The following TTN variants were observed in gnomAD, a reference collection of about 807,000 sequenced individuals.
The protein encoded by TTN is titin.
Under a neutral mutation model 3,223.0 loss-of-function variants are expected in TTN, and 1,525 were observed. The observed-to-expected ratio is 0.47, with a 90% CI of 0.45 to 0.49. TTN has a LOEUF of 0.49. TTN is among the 20% of genes least tolerant of loss of function. The pLI, the probability that TTN is intolerant of heterozygous loss-of-function variation, is 0.00. For missense variants in TTN, 40,786 were observed against 43,424.0 expected (o/e 0.94, Z 5.40); for synonymous variants, 14,094 against 15,161.0 (o/e 0.93, Z 5.17).
chr2:178,786,152 G>C lies in TTN; in HGVS notation c.2077-11C>G. 1 of 1,613,272 alleles carries C rather than the reference G, an allele frequency of 6.2e-7. No individual in the cohort carries two copies. Among genetic ancestry groups the C allele is most frequent in the South Asian group, 1.1e-5 (1 of 90,972 alleles). ...TTTTCCAACGTCCACCTGGAGACAA[G>C]GTTTCCAGAATTAATACATAGGAAT... is the stretch of plus-strand genomic sequence containing the variant. On this transcript the variant is annotated splice_polypyrimidine_tract_variant and intron_variant, in intron 13 of 362. Transcript: ENST00000589042.
At position 178,553,691 on chromosome 2, in the gene TTN, C is replaced by G. The variant is rs200503016; in HGVS notation, c.89314G>C (p.Glu29772Gln). Reference protein sequence around the residue: ...GGSAVTGYVVEIRQGEEEEWT... With the variant: ...GGSAVTGYVVQIRQGEEEEWT... ...TCCTCTTCCTCTCCTTGTCTTATCT[C>G]GACAACATACCCAGTAACAGCACTG... is the stretch of plus-strand genomic sequence containing the variant. Residue 29772 changes from glutamate (E) to glutamine (Q), a missense_variant, in exon 334 of 363, where the codon GAG becomes CAG. Coordinates refer to ENST00000589042, the MANE Select transcript of TTN (RefSeq NM_001267550.2). 1 of 1,613,696 alleles carries G rather than the reference C, an allele frequency of 6.2e-7. No homozygotes were observed. The highest frequency in any genetic ancestry group is 1.3e-5 in the African/African-American group (1 of 74,916).
chr2:178,625,265 G>A lies in TTN; in HGVS notation c.44548+8C>T. On this transcript the variant is annotated splice_region_variant and intron_variant, in intron 241 of 362. Coordinates refer to ENST00000589042, the MANE Select transcript of TTN (RefSeq NM_001267550.2). ...TATACATGTTTTTAAAATAAGCCTT[G>A]TAATTACCTTTCACAAAGAGGTTGG... 1 of 1,604,028 alleles carries A rather than the reference G, an allele frequency of 6.2e-7. No homozygotes were observed. The highest frequency in any genetic ancestry group is 8.5e-7 in the Non-Finnish European group (1 of 1,175,658).
rs113069473 is a variant in TTN at position 178,765,115 on chromosome 2, G to A, written c.9704-304C>T. 3.0e-4 allele frequency among the ~76,000 whole-genome samples: 46 copies of A among 152,290 alleles called. 1 individual carries two copies. The highest frequency in any genetic ancestry group is 1.1e-3 in the African/African-American group (44 of 41,558). The stretch of plus-strand genomic sequence containing the variant: ...TTTCTGTTTGTGGTGGGGGCTTAGC[G>A]ATGGACACCTGAATGAATTATACAA... On this transcript the variant is annotated intron_variant, in intron 41 of 362. Coordinates refer to ENST00000589042, the MANE Select transcript of TTN (RefSeq NM_001267550.2).
chr2:178,681,395 G>C lies in TTN; in HGVS notation c.33228C>G (p.Leu11076=). 1.2e-6 allele frequency: 2 copies of C among 1,612,336 alleles called. No individual in the cohort carries two copies. Among genetic ancestry groups the C allele is most frequent in the South Asian group, 1.1e-5 (1 of 90,910 alleles). ...EKVPVPIPKK[L]KPPPPKVPEE... ...ATGTACCTTTGGGTGGTGGAGGTTT[G>C]AGTTTCTTAGGAATGGGCACTGGTA... Residue 11076 remains leucine, a synonymous_variant, in exon 137 of 363, where the codon CTC becomes CTG. Coordinates refer to ENST00000589042, the MANE Select transcript of TTN (RefSeq NM_001267550.2).
chr2:178,744,331 A>ATT, intron 47 of TTN: 1 of 960,572 alleles, frequency 1.0e-6, no homozygotes, highest in Non-Finnish European at 1.2e-6. Context: ...AATAATTACT[A>ATT]TTAGCTTAAC....
chr2:178,748,586 AT>A lies in TTN; in HGVS notation c.11311+4537del. 4 of 1,613,064 alleles carry A rather than the reference AT, an allele frequency of 2.5e-6. No homozygotes were observed. The Middle Eastern group carries it at 6.6e-4, about 266-fold the overall frequency. ...GTTCTCAGTGTCAGCAGGATGTTGG[AT>A]TTTAAAATAAGCTTCTTCTGGTTGA... On this transcript the variant is annotated intron_variant, in intron 47 of 362. Coordinates refer to ENST00000589042, the MANE Select transcript of TTN (RefSeq NM_001267550.2).
Position 178,747,187 on chromosome 2 carries a change from C to T in TTN, c.11312-5266G>A, listed in dbSNP as rs1174562485. 1.2e-6 allele frequency: 2 copies of T among 1,608,740 alleles called. No homozygotes were observed. The highest frequency in any genetic ancestry group is 1.7e-5 in the Admixed American group (1 of 59,542). On this transcript the variant is annotated intron_variant, in intron 47 of 362. Coordinates refer to ENST00000589042, the MANE Select transcript of TTN (RefSeq NM_001267550.2). ...TCTCTCCTGGGGGTGTGGAGTATCT[C>T]TCTAGAGTCTCTCCTGGAGGTGTGG...
Position 178,557,892 on chromosome 2 carries a change from A to G in TTN, c.87462T>C (p.Ser29154=). 6.2e-7 allele frequency: 1 copy of G among 1,613,704 alleles called. No homozygotes were observed. Among genetic ancestry groups the G allele is most frequent in the Non-Finnish European group, 8.5e-7 (1 of 1,179,846 alleles). The change falls in exon 328 of 363, where the codon AGT becomes AGC. Residue 29154 remains serine (S), a synonymous_variant. Transcript: ENST00000589042. ...PVVISDITEE[S]VTLKWEPPKY... The stretch of plus-strand genomic sequence containing the variant: ...TAGGTGGCTCCCATTTGAGAGTCAC[A>G]CTTTCTTCAGTTATATCACTAATAA...
chr2:178,592,218 G>T lies in TTN; in HGVS notation c.59686C>A (p.Leu19896Ile), dbSNP rs763331392. The change falls in exon 302 of 363, where the codon CTT becomes ATT. Residue 19896 changes from leucine (L) to isoleucine (I), a missense_variant. Coordinates refer to ENST00000589042, the MANE Select transcript of TTN (RefSeq NM_001267550.2). ...VSEIRKDSCY[L>I]TWKEPLDDGG... ...TCATCCAGTGGTTCTTTCCAAGTAA[G>T]GTAACATGAATCTTTCCTAATTTCA... is the stretch of plus-strand genomic sequence containing the variant. The T allele has an allele frequency of 3.1e-6, 5 of 1,611,716 alleles. No individual in the cohort carries two copies. In the East Asian group the frequency reaches 9.0e-5, roughly 29 times the overall value.
At chr2:178,604,365 A>G (rs1432800250) in intron 281 of TTN, 60 bp from the exon 282 acceptor site, 1 of 1,308,742 alleles carries the variant, frequency 7.6e-7, no homozygotes, top group Admixed American at 3.1e-5. Context: ...GTTTTCACTC[A>G]TTTAAAAATT....
rs571602215 is a variant in TTN, at chr2:178,741,422, A to G, written c.11811T>C (p.Pro3937=). 6.6e-5 allele frequency: 107 copies of G among 1,613,904 alleles called. No homozygotes were observed. The Admixed American group carries it at 1.7e-3, about 26-fold the overall frequency. The stretch of plus-strand genomic sequence containing the variant: ...GTTTTAACTCCTTAAGGAAGTGAGG[A>G]GGACAAGGACCTCCCAGCTTTTCCA... The part of the protein sequence containing the change: ...KSLEKLGGPC[P]PHFLKELKPI... Residue 3937 remains proline (P), a synonymous_variant, in exon 48 of 363, where the codon CCT becomes CCC. Coordinates refer to ENST00000589042, the MANE Select transcript of TTN (RefSeq NM_001267550.2).
chr2:178,774,263 C>T lies in TTN; in HGVS notation c.7001G>A (p.Gly2334Glu). The change falls in exon 30 of 363, where the codon GGA becomes GAA. Residue 2334 changes from glycine (G) to glutamate (E), a missense_variant. Gly to Glu is a moderately conservative substitution (Grantham distance 98). Coordinates refer to ENST00000589042, the MANE Select transcript of TTN (RefSeq NM_001267550.2). The part of the protein sequence containing the change: ...TVKDVTKEDQ[G>E]EYSFVIDGKK... ...CCCGTCGATGACAAAGCTGTATTCT[C>T]CCTGGTCCTCCTTGGTTACATCCTT... 1.2e-6 allele frequency: 2 copies of T among 1,614,078 alleles called. No homozygotes were observed. The highest frequency in any genetic ancestry group is 1.7e-6 in the Non-Finnish European group (2 of 1,179,980).
rs770584664 is a variant in TTN, at chr2:178,554,619, TG to T, written c.88727del (p.Thr29576LysfsTer36). On this transcript the variant is annotated frameshift_variant, in exon 332 of 363. Transcript: ENST00000589042. LOFTEE classifies it high-confidence loss of function. The stretch of plus-strand genomic sequence containing the variant: ...ACACCATAGACCACACAACGCGGCT[TG>T]TCTCACGCTTTTCCACAATGTAGTG... The part of the protein sequence containing the change: ...ITHYIVEKRE[T>X]SRVVWSMVSE... 1 of 1,613,904 alleles carries T rather than the reference TG, an allele frequency of 6.2e-7. No homozygotes were observed. The highest frequency in any genetic ancestry group is 8.5e-7 in the Non-Finnish European group (1 of 1,179,848).
chr2:178,621,393 T>C, intron 245 of TTN, 25 bp from the exon 246 acceptor site: 1 of 1,606,814 alleles, frequency 6.2e-7, no homozygotes, highest in Non-Finnish European at 8.5e-7. Flanking sequence ...TTACAAGATA[T>C]TAGAAACATA....
rs1187984311 is a variant in TTN at position 178,776,581 on chromosome 2, G to T, written c.5283C>A (p.Ser1761Arg). The stretch of plus-strand genomic sequence containing the variant: ...TAGAATATGCAACGCCATAATCAAG[G>T]CTGCAGTACCCAAATTCATTGATCA... ...LRMINEFGYCSLDYGVAYSRD... is the reference protein window; with the variant it reads ...LRMINEFGYCRLDYGVAYSRD... Residue 1761 changes from serine to arginine, a missense_variant, in exon 28 of 363, where the codon AGC becomes AGA. Ser to Arg is a moderately radical substitution (Grantham distance 110). Coordinates refer to ENST00000589042, the MANE Select transcript of TTN (RefSeq NM_001267550.2). 4 of 1,613,598 alleles carry T rather than the reference G, an allele frequency of 2.5e-6. No homozygotes were observed. Among genetic ancestry groups the T allele is most frequent in the Non-Finnish European group, 3.4e-6 (4 of 1,180,000 alleles).
At chr2:178,640,305 T>C (rs747861344) in intron 221 of TTN, among the ~76,000 whole-genome samples, 195 bp from the exon 222 acceptor site, 1 of 152,018 alleles carries the variant, frequency 6.6e-6, no homozygotes, top group Non-Finnish European at 1.5e-5. Flanking sequence ...GTTCTTGGTT[T>C]TAATGTTGTT....
intron 67 of TTN, 96 bp downstream of exon 67, chr2:178,728,014 C>G: frequency 1.4e-6 from 2 of 1,429,316 alleles, no homozygotes; most frequent in Non-Finnish European, 1.8e-6. Context: ...GAACCAGAAT[C>G]ATAGAGATTT....
rs1060500411 is a variant in TTN, at chr2:178,715,118, T to C, written c.26068A>G (p.Lys8690Glu). 2 of 1,613,766 alleles carry C rather than the reference T, an allele frequency of 1.2e-6. No homozygotes were observed. ...GTTAGGAAGTTCTCAGACATTATCT[T>C]GTACTTCTTGCCGCTCCTAAGTTCT... ...KRELRSGKKY[K>E]IMSENFLTSI... Residue 8690 changes from lysine (K) to glutamate (E), a missense_variant, in exon 90 of 363, where the codon AAG becomes GAG. By Grantham distance (56) the Lys-to-Glu change is moderately conservative. Coordinates refer to ENST00000589042, the MANE Select transcript of TTN (RefSeq NM_001267550.2).
rs769667384 is a variant in TTN at position 178,527,114 on chromosome 2, G to A, written c.107874C>T (p.Ile35958=). The A allele has an allele frequency of 7.4e-6, 12 of 1,613,946 alleles. No homozygotes were observed. The highest frequency in any genetic ancestry group is 9.3e-6 in the Non-Finnish European group (11 of 1,179,876). The change falls in exon 363 of 363, where the codon ATC becomes ATT. Residue 35958 remains isoleucine, a synonymous_variant. Coordinates refer to ENST00000589042, the MANE Select transcript of TTN (RefSeq NM_001267550.2). ...CACCATCTTGTTTCTGTACGTCCATGATGATCAGGGTTGTCAGGTCATCTG... is the reference window on the plus strand; with the variant it reads ...CACCATCTTGTTTCTGTACGTCCATAATGATCAGGGTTGTCAGGTCATCTG... The part of the protein sequence containing the change: ...ENTDDLTTLI[I]MDVQKQDGGL...
Sources: gnomAD v4.1 joint callset for allele counts (sites outside exome capture counted in the v4.1 genomes callset) on GRCh38, gnomAD v4.1.1 for gene constraint, MANE v1.5 for transcripts, NCBI Gene and HGNC (gene_info 2026-07-23, HGNC 2026-07-21) for gene names.